The following INO80 variants were observed in gnomAD, a reference collection of about 807,000 sequenced individuals.
INO80 encodes chromatin-remodeling ATPase INO80.
In INO80, 20 loss-of-function variants were observed where a neutral mutation model predicts 203.4. The observed-to-expected ratio is 0.10, with a 90% CI of 0.07 to 0.14. The LOEUF (loss-of-function observed/expected upper bound fraction) is 0.14, where lower values mean the gene tolerates loss of function less well. Among genes scored for constraint, INO80 ranks in the 10% least tolerant of loss-of-function variants. INO80 has a pLI of 1.00. For synonymous variants in INO80, 726 were observed against 685.2 expected, an observed-to-expected ratio of 1.06 and a Z score of -0.93; for missense variants, 1,419 against 1,914.4, an observed-to-expected ratio of 0.74 and a Z score of 4.83.
In INO80 at chr15:41,027,662, A is replaced by G. The variant is rs1409517708; in HGVS notation, c.2982T>C (p.Ala994=). 4 of 1,613,958 alleles carry G rather than the reference A, an allele frequency of 2.5e-6. No homozygotes were observed. The highest frequency in any genetic ancestry group is 3.4e-6 in the Non-Finnish European group (4 of 1,179,864). Residue 994 remains alanine (A), a synonymous_variant, in exon 25 of 36, where the codon GCT becomes GCC. Transcript: ENST00000648947. ...GCAGGCAGCGACGCAGCGAGGAGGT[A>G]GCTGATCTCCGCTGATGGACAACCT... ...SDQVVHQRRS[A]TSSLRRCLLT...
At chr15:41,072,443 A>G (rs1050960361) in intron 11 of INO80, among the ~76,000 whole-genome samples, 3 of 151,734 alleles carry the variant, frequency 2.0e-5, no homozygotes, top group Non-Finnish European at 4.4e-5. Context: ...AGCTTGGGCC[A>G]GGCGCAGTGG....
intron 14 of INO80, among the ~76,000 whole-genome samples, chr15:41,069,004 T>C (rs2045268511): frequency 1.3e-5 from 2 of 152,164 alleles, no homozygotes; most frequent in Admixed American, 1.3e-4. Flanking sequence ...CCAAATAAGG[T>C]AGATGTTTTC....
Position 41,047,524 on chromosome 15 carries a change from A to G in INO80, c.2642-23T>C, listed in dbSNP as rs552760045. 1.2e-4 allele frequency: 184 copies of G among 1,512,104 alleles called. No homozygotes were observed. In the South Asian group the frequency reaches 1.6e-3, roughly 13 times the overall value. 93.7% of individuals were successfully genotyped at this position (1,512,104 alleles called of 1,614,324 possible). A position where few individuals can be genotyped will look rare whatever the true frequency, so the allele number is the denominator to read the frequency against. On this transcript the variant is annotated intron_variant, in intron 22 of 35. Transcript: ENST00000648947. ...TACCTGAAATATAAAAGACAATTTG[A>G]AACCCAACAGCAAACCAAGAGACGA...
chr15:41,027,280 G>GC (rs541496878), intron 25 of INO80, among the ~76,000 whole-genome samples: 26 of 152,160 alleles, frequency 1.7e-4, no homozygotes, highest in Middle Eastern at 3.4e-3. Flanking sequence ...TGGTTCCCTC[G>GC]CCCCGACCCT....
chr15:41,099,336 TCCAAACTC>T (rs1383909771), intron 1 of INO80, among the ~76,000 whole-genome samples: 1 of 149,944 alleles, frequency 6.7e-6, no homozygotes, highest in Non-Finnish European at 1.5e-5. Context: ...AAAAAAATGT[TCCAAACTC>T]CCATTGTGGC....
chr15:40,983,132 A>G lies in INO80; in HGVS notation c.4238-55T>C. The G allele has an allele frequency of 1.1e-5, 15 of 1,398,826 alleles. 1 individual carries two copies. In the South Asian group the frequency reaches 1.8e-4, roughly 17 times the overall value. 86.7% of individuals were successfully genotyped at this position (1,398,826 alleles called of 1,614,324 possible). On this transcript the variant is annotated intron_variant, in intron 34 of 35. Transcript: ENST00000648947. Reference sequence around the variant, plus strand: ...GAAAAAAAAAAAAAGTCAATCTCCAAGATGTTAACATCACCTTCTCCTGAC... The same window carrying G: ...GAAAAAAAAAAAAAGTCAATCTCCAGGATGTTAACATCACCTTCTCCTGAC...
intron 24 of INO80, among the ~76,000 whole-genome samples, chr15:41,032,073 G>GACAGCACAGC (rs1243732624): frequency 3.8e-5 from 2 of 52,400 alleles, no homozygotes; most frequent in African/African-American, 5.9e-5. Flanking sequence ...GACAGCACAG[G>GACAGCACAGC]ACAGCACAGC....
At chr15:41,107,327 C>T (rs1039488532) in intron 1 of INO80, among the ~76,000 whole-genome samples, 2 of 152,018 alleles carry the variant, frequency 1.3e-5, no homozygotes, top group African/African-American at 4.8e-5. Flanking sequence ...AAGGTGAAAC[C>T]CCATCTCTAC....
chr15:41,001,800 T>C (rs2140433387), intron 28 of INO80, among the ~76,000 whole-genome samples: 1 of 152,326 alleles, frequency 6.6e-6, no homozygotes, highest in African/African-American at 2.4e-5. Flanking sequence ...ATAGGCGTTG[T>C]TGTTTACTCT....
intron 24 of INO80, among the ~76,000 whole-genome samples, chr15:41,039,217 T>A (rs187923678): frequency 3.7e-4 from 57 of 152,174 alleles, no homozygotes; most frequent in Non-Finnish European, 2.2e-4. Context: ...CTCCAAGCAA[T>A]CCTCCCACCT....
intron 19 of INO80, among the ~76,000 whole-genome samples, chr15:41,051,307 C>T (rs2044866807): frequency 6.6e-6 from 1 of 151,764 alleles, no homozygotes; most frequent in Admixed American, 6.6e-5. Flanking sequence ...CCTAGCCCCC[C>T]ATTCCCACCA....
intron 29 of INO80, among the ~76,000 whole-genome samples, chr15:40,993,902 G>A (rs1374876072): frequency 1.3e-5 from 2 of 152,066 alleles, no homozygotes; most frequent in African/African-American, 4.8e-5. Flanking sequence ...ATGTCTCCTT[G>A]TAGCATTTCA....
intron 5 of INO80, among the ~76,000 whole-genome samples, chr15:41,090,985 C>T (rs895277010): frequency 9.6e-5 from 14 of 146,116 alleles, no homozygotes; most frequent in African/African-American, 3.6e-4. Context: ...AGTGCAGTGG[C>T]TCAATCTCGG....
chr15:41,033,490 AAAAC>A (rs538206225), intron 24 of INO80, among the ~76,000 whole-genome samples: 72 of 152,160 alleles, frequency 4.7e-4, no homozygotes, highest in African/African-American at 1.5e-3. Flanking sequence ...ACCCTGTCTC[AAAAC>A]AAACAAACAA....
At chr15:41,063,161 A>G (rs1406381627) in intron 14 of INO80, among the ~76,000 whole-genome samples, 1 of 151,896 alleles carries the variant, frequency 6.6e-6, no homozygotes, top group African/African-American at 2.4e-5. Flanking sequence ...ACATGGTGAA[A>G]CCCCATCTCT....
At chr15:41,020,757 A>G in intron 26 of INO80, 143 bp downstream of exon 26, 1 of 584,844 alleles carries the variant, frequency 1.7e-6, no homozygotes, top group South Asian at 2.3e-5. Context: ...TAATATTCTT[A>G]CCTATGAATT....
chr15:41,006,103 T>G (rs1843200654), intron 27 of INO80, among the ~76,000 whole-genome samples: 3 of 152,164 alleles, frequency 2.0e-5, no homozygotes, highest in Admixed American at 6.5e-5. Flanking sequence ...GAGCAAACCT[T>G]TACTGATTAA....
Position 40,985,388 on chromosome 15 carries a change from T to C in INO80, c.3871A>G (p.Thr1291Ala). 2 of 1,614,036 alleles carry C rather than the reference T, an allele frequency of 1.2e-6. No homozygotes were observed. The highest frequency in any genetic ancestry group is 1.3e-5 in the African/African-American group (1 of 75,010). ...RQEEKRQQEE[T>A]NRVKERKRKR... is the part of the protein sequence containing the mutation. ...CGCTTGCGCTCTTTCACTCGGTTGG[T>C]TTCCTCCTGTTGCCGTTTCTCTTCC... The change falls in exon 32 of 36, where the codon ACC (threonine) becomes GCC (alanine). Residue 1291 changes from threonine (T) to alanine (A), a missense_variant. This residue lies in a region of INO80 where 214 missense variants were observed against 248.9 expected (regional missense o/e 0.86). Coordinates refer to ENST00000648947, the MANE Select transcript of INO80 (RefSeq NM_017553.3).
At chr15:41,021,974 G>C (rs2044301185) in intron 25 of INO80, among the ~76,000 whole-genome samples, 1 of 152,228 alleles carries the variant, frequency 6.6e-6, no homozygotes, top group African/African-American at 2.4e-5. Context: ...AAGATGACAA[G>C]GCTAGCTTTT....
Sources: allele counts gnomAD v4.1 joint callset (sites outside exome capture counted in the v4.1 genomes callset), GRCh38; gene constraint gnomAD v4.1.1; regional missense constraint gnomAD v4.1.1; transcripts MANE v1.5; gene names NCBI Gene and HGNC (gene_info 2026-07-23, HGNC 2026-07-21).